MTUS2: variants seen among roughly 807,000 people sequenced by gnomAD.
The protein encoded by MTUS2 is microtubule-associated tumor suppressor candidate 2.
Under a neutral mutation model 114.1 loss-of-function variants are expected in MTUS2, and 40 were observed. That is an observed-to-expected ratio of 0.35 (90% confidence interval 0.27 to 0.46). The LOEUF (loss-of-function observed/expected upper bound fraction) is 0.46. MTUS2 is among the 20% of genes least tolerant of loss of function. MTUS2 has a pLI of 1.00. For synonymous variants in MTUS2, 688 were observed against 672.0 expected (o/e 1.02, Z -0.37); for missense variants, 1,679 against 1,705.4 (o/e 0.98, Z 0.27).
intron 2 of MTUS2, among the ~76,000 whole-genome samples, chr13:28,980,527 G>A (rs529201945): frequency 3.3e-5 from 5 of 152,246 alleles, no homozygotes; most frequent in Admixed American, 1.3e-4. Flanking sequence ...GTTGTCCTTT[G>A]TTTTCCTCAC....
In MTUS2 at chr13:28,953,362, A is replaced by T. The variant is rs148383674; in HGVS notation, c.-242-71095A>T. Among the ~76,000 whole-genome samples, 1,324 of 152,154 alleles carry T rather than the reference A, an allele frequency of 8.7e-3. 18 individuals are homozygous for T. The highest frequency in any genetic ancestry group is 0.029 in the African/African-American group (1,220 of 41,514). The stretch of plus-strand genomic sequence containing the variant: ...CATCTCTACTAAAAATACAAAAATT[A>T]GCCGGGCATGGTGGTGTGCACCTGT... On this transcript the variant is annotated intron_variant, in intron 2 of 15. Coordinates refer to ENST00000612955, the MANE Select transcript of MTUS2 (RefSeq NM_001033602.4).
intron 2 of MTUS2, among the ~76,000 whole-genome samples, chr13:28,894,934 T>C (rs113214944): frequency 0.013 from 2,044 of 152,324 alleles, 45 homozygotes; most frequent in African/African-American, 0.046. Context: ...TTATGATTAA[T>C]ATCAATTTTG....
At chr13:29,018,265 A>T (rs1287788778) in intron 2 of MTUS2, among the ~76,000 whole-genome samples, 1 of 152,174 alleles carries the variant, frequency 6.6e-6, no homozygotes, top group Non-Finnish European at 1.5e-5. Context: ...TCAAGCCGAG[A>T]GGTGTCACTT....
intron 5 of MTUS2, among the ~76,000 whole-genome samples, chr13:29,106,561 T>A (rs1890677613): frequency 6.6e-6 from 1 of 152,162 alleles, no homozygotes; most frequent in African/African-American, 2.4e-5. Context: ...TTCACCATCT[T>A]GGCCAGGCTG....
At chr13:29,032,652 G>C (rs1886881460) in intron 3 of MTUS2, among the ~76,000 whole-genome samples, 1 of 152,086 alleles carries the variant, frequency 6.6e-6, no homozygotes, top group South Asian at 2.1e-4. Flanking sequence ...AAACTTTAAA[G>C]GCCTAATCTT....
intron 8 of MTUS2, among the ~76,000 whole-genome samples, chr13:29,398,103 A>G (rs1339579992): frequency 2.0e-5 from 3 of 152,220 alleles, no homozygotes; most frequent in African/African-American, 7.2e-5. Flanking sequence ...ATTACTTGCT[A>G]TACTTCTCTG....
intron 15 of MTUS2, among the ~76,000 whole-genome samples, chr13:29,501,798 C>T (rs1882922293): frequency 6.6e-6 from 1 of 151,976 alleles, no homozygotes; most frequent in African/African-American, 2.4e-5. Context: ...TACCCTTGCA[C>T]ACATAACTCG....
chr13:29,247,080 G>A (rs970062740), intron 5 of MTUS2, among the ~76,000 whole-genome samples: 4 of 152,072 alleles, frequency 2.6e-5, no homozygotes, highest in Non-Finnish European at 5.9e-5. Flanking sequence ...CAGATCAATT[G>A]GACAGAATAG....
intron 5 of MTUS2, among the ~76,000 whole-genome samples, chr13:29,253,974 G>T (rs1042966161): frequency 6.6e-6 from 1 of 152,148 alleles, no homozygotes; most frequent in African/African-American, 2.4e-5. Flanking sequence ...CCCACAACAC[G>T]TGGGAATTCC....
chr13:29,031,247 TGTGTGTGTGTGTGTGTGTGTGTG>T (rs1318848506), intron 3 of MTUS2, among the ~76,000 whole-genome samples: 23 of 148,488 alleles, frequency 1.5e-4, no homozygotes, highest in African/African-American at 5.7e-4. Flanking sequence ...GGTGTGTGTG[TGTGTGTGTGTGTGTGTGTGTGTG>T]GTGTGTGTTC....
chr13:29,433,040 C>T (rs1877125931), intron 8 of MTUS2, among the ~76,000 whole-genome samples: 1 of 152,156 alleles, frequency 6.6e-6, no homozygotes, highest in African/African-American at 2.4e-5. Flanking sequence ...GCTAATTCTC[C>T]CTTCTCCTGC....
intron 5 of MTUS2, among the ~76,000 whole-genome samples, chr13:29,234,957 A>C (rs1320684698): frequency 3.3e-5 from 5 of 152,100 alleles, no homozygotes; most frequent in African/African-American, 4.8e-5. Context: ...GTTCTTTCTT[A>C]AACTAATCAA....
chr13:29,247,419 A>G (rs1262808268), intron 5 of MTUS2, among the ~76,000 whole-genome samples: 2 of 152,194 alleles, frequency 1.3e-5, no homozygotes, highest in East Asian at 3.8e-4. Context: ...GGGACTTAAA[A>G]CTAAAAAGCT....
chr13:29,174,594 A>G (rs1479895883), intron 5 of MTUS2, among the ~76,000 whole-genome samples: 1 of 152,162 alleles, frequency 6.6e-6, no homozygotes, highest in Non-Finnish European at 1.5e-5. Context: ...TTCTAAAATT[A>G]CCCTCAATTT....
At chr13:28,919,572 G>T (rs1403067389) in intron 2 of MTUS2, among the ~76,000 whole-genome samples, 1 of 151,852 alleles carries the variant, frequency 6.6e-6, no homozygotes, top group East Asian at 1.9e-4. Context: ...AATCTGCTTG[G>T]TGTTCTATAA....
chr13:29,389,972 TACAC>T (rs1405782648), intron 8 of MTUS2, among the ~76,000 whole-genome samples: 4 of 106,398 alleles, frequency 3.8e-5, no homozygotes, highest in African/African-American at 1.5e-4. Flanking sequence ...TCTGTGTATA[TACAC>T]ATACATGTAT....
intron 5 of MTUS2, among the ~76,000 whole-genome samples, chr13:29,213,450 C>G (rs539083733): frequency 6.6e-6 from 1 of 152,314 alleles, no homozygotes; most frequent in African/African-American, 2.4e-5. Context: ...AAACATCAGA[C>G]TATAATTGCA....
At chr13:29,326,207 GC>G (rs1481657018) in intron 7 of MTUS2, among the ~76,000 whole-genome samples, 2 of 152,166 alleles carry the variant, frequency 1.3e-5, no homozygotes, top group Non-Finnish European at 2.9e-5. Flanking sequence ...TGGGGAGCAA[GC>G]CCTCCCCCAG....
At chr13:28,902,869 T>A (rs1470266344) in intron 2 of MTUS2, among the ~76,000 whole-genome samples, 4 of 152,208 alleles carry the variant, frequency 2.6e-5, no homozygotes, top group Non-Finnish European at 5.9e-5. Context: ...ATTTTCTGTT[T>A]TCTGGAAGAT....
Sources: gnomAD v4.1 joint callset for allele counts (sites outside exome capture counted in the v4.1 genomes callset) on GRCh38, gnomAD v4.1.1 for gene constraint, MANE v1.5 for transcripts, NCBI Gene and HGNC (gene_info 2026-07-23, HGNC 2026-07-21) for gene names.